ADGRL3: variants seen among roughly 807,000 people sequenced by gnomAD.
The protein encoded by ADGRL3 is calcium-independent alpha-latrotoxin receptor 3.
Under a neutral mutation model 153.5 loss-of-function variants are expected in ADGRL3, and 62 were observed. That is an observed-to-expected ratio of 0.40 (90% CI 0.33 to 0.50). The LOEUF (loss-of-function observed/expected upper bound fraction) is 0.50, where lower values mean the gene tolerates loss of function less well. ADGRL3 is among the 20% of genes least tolerant of loss of function. The pLI, the probability that ADGRL3 is intolerant of heterozygous loss-of-function variation, is 0.47. For synonymous variants in ADGRL3, 710 were observed against 672.5 expected (o/e 1.06, Z -0.86); for missense variants, 1,641 against 1,859.4 (o/e 0.88, Z 2.16).
At chr4:61,791,731 T>C (rs1016649391) in intron 8 of ADGRL3, among the ~76,000 whole-genome samples, 2 of 152,210 alleles carry the variant, frequency 1.3e-5, no homozygotes, top group African/African-American at 4.8e-5. Flanking sequence ...CAGACATTTC[T>C]ATACATCTGA....
chr4:61,996,323 G>A lies in ADGRL3; in HGVS notation c.3269G>A (p.Trp1090Ter). Residue 1090 changes from tryptophan to a stop codon, truncating the protein, a stop_gained, in exon 20 of 27, where the codon TGG becomes TAG. Transcript: ENST00000683033. LOFTEE classifies it high-confidence loss of function. Reference protein sequence around the residue: ...CWLRLDTYFIWSFIGPATLII... With the variant: ...CWLRLDTYFI Reference sequence around the variant, plus strand: ...CTCCGACTTGACACCTACTTCATTTGGAGTTTTATAGGACCAGCAACTTTG... The same window carrying A: ...CTCCGACTTGACACCTACTTCATTTAGAGTTTTATAGGACCAGCAACTTTG... 1 of 1,612,968 alleles carries A rather than the reference G, an allele frequency of 6.2e-7. No homozygotes were observed. The highest frequency in any genetic ancestry group is 8.5e-7 in the Non-Finnish European group (1 of 1,179,142).
intron 9 of ADGRL3, among the ~76,000 whole-genome samples, chr4:61,817,523 C>A (rs981600091): frequency 1.3e-5 from 2 of 152,138 alleles, no homozygotes; most frequent in Non-Finnish European, 2.9e-5. Context: ...GAACACTCAT[C>A]AGGATGACCT....
intron 1 of ADGRL3, among the ~76,000 whole-genome samples, chr4:61,337,046 A>C (rs987184751): frequency 8.8e-6 from 1 of 113,490 alleles, no homozygotes; most frequent in Non-Finnish European, 2.0e-5. Flanking sequence ...GGAGGTGTGG[A>C]TGAATTGCCC....
rs574926010 is a variant in ADGRL3, at chr4:61,866,077, A to G, written c.1481-26579A>G. ...TGTATACCTTTTCTGTGGATATCAC[A>G]GACACCTGCAGAAAGTTGCTTTGGG... On this transcript the variant is annotated intron_variant, in intron 9 of 26. Coordinates refer to ENST00000683033, the MANE Select transcript of ADGRL3 (RefSeq NM_001387552.1). Among the ~76,000 whole-genome samples the G allele has an allele frequency of 3.9e-5, 6 of 152,302 alleles. 1 individual carries two copies. In the South Asian group the frequency reaches 1.2e-3, roughly 32 times the overall value.
chr4:61,621,011 T>G (rs1364618788), intron 5 of ADGRL3, among the ~76,000 whole-genome samples: 1 of 152,194 alleles, frequency 6.6e-6, no homozygotes, highest in Non-Finnish European at 1.5e-5. Flanking sequence ...TTTTATCGGC[T>G]TATTTGTTAT....
chr4:61,362,597 T>G (rs902047589), intron 1 of ADGRL3, among the ~76,000 whole-genome samples: 2 of 152,042 alleles, frequency 1.3e-5, no homozygotes, highest in Non-Finnish European at 2.9e-5. Context: ...GAAAAGAAAG[T>G]GTTATTAAGA....
intron 5 of ADGRL3, among the ~76,000 whole-genome samples, chr4:61,588,854 T>A (rs1022848515): frequency 6.6e-6 from 1 of 152,056 alleles, no homozygotes; most frequent in Non-Finnish European, 1.5e-5. Flanking sequence ...ATATTTTTAT[T>A]TGTTTTAGTT....
chr4:61,525,263 A>C (rs1215265789), intron 4 of ADGRL3, among the ~76,000 whole-genome samples: 3 of 152,104 alleles, frequency 2.0e-5, no homozygotes, highest in Non-Finnish European at 2.9e-5. Context: ...TTCCTAGGAT[A>C]ATTTGCAAGC....
intron 2 of ADGRL3, among the ~76,000 whole-genome samples, chr4:61,417,655 C>T (rs918114896): frequency 7.3e-5 from 11 of 149,702 alleles, no homozygotes; most frequent in South Asian, 2.1e-4. Context: ...CCTTCTTTAA[C>T]GTTTAATAAA....
intron 4 of ADGRL3, among the ~76,000 whole-genome samples, chr4:61,548,206 A>G (rs1196221921): frequency 1.3e-5 from 2 of 152,014 alleles, no homozygotes; most frequent in Non-Finnish European, 2.9e-5. Flanking sequence ...CATAGTTTGC[A>G]TGTTTTTTCT....
chr4:61,331,820 T>G (rs1464552654), intron 1 of ADGRL3, among the ~76,000 whole-genome samples: 1 of 152,068 alleles, frequency 6.6e-6, no homozygotes, highest in East Asian at 1.9e-4. Flanking sequence ...TAGTCATTTT[T>G]CTAATATAAA....
At chr4:61,641,621 A>C (rs1323610909) in intron 5 of ADGRL3, among the ~76,000 whole-genome samples, 1 of 151,826 alleles carries the variant, frequency 6.6e-6, no homozygotes, top group Non-Finnish European at 1.5e-5. Flanking sequence ...TGAACTCATC[A>C]ATTTTTATGG....
intron 1 of ADGRL3, among the ~76,000 whole-genome samples, chr4:61,216,127 T>G (rs1285973081): frequency 6.6e-6 from 1 of 152,132 alleles, no homozygotes; most frequent in African/African-American, 2.4e-5. Context: ...GTTTCTTCCT[T>G]CGTTAAGAGC....
chr4:61,362,420 C>G (rs980697155), intron 1 of ADGRL3, among the ~76,000 whole-genome samples: 1 of 151,844 alleles, frequency 6.6e-6, no homozygotes, highest in Non-Finnish European at 1.5e-5. Context: ...ACCTGTCCCC[C>G]AACCCAACAC....
intron 8 of ADGRL3, among the ~76,000 whole-genome samples, chr4:61,740,030 A>G (rs2096564587): frequency 6.6e-6 from 1 of 152,214 alleles, no homozygotes; most frequent in Admixed American, 6.5e-5. Context: ...CATTTTGTCT[A>G]AAGAACCAGT....
At chr4:61,364,715 A>T (rs1235967220) in intron 1 of ADGRL3, among the ~76,000 whole-genome samples, 1 of 152,226 alleles carries the variant, frequency 6.6e-6, no homozygotes, top group Non-Finnish European at 1.5e-5. Context: ...AATGTGAGTC[A>T]CCAAATGTAC....
chr4:61,290,685 A>C (rs375141862), intron 1 of ADGRL3, among the ~76,000 whole-genome samples: 2 of 125,582 alleles, frequency 1.6e-5, no homozygotes, highest in Non-Finnish European at 3.6e-5. Context: ...GAAGGAAGGA[A>C]GGAGGGAAGG....
chr4:61,426,456 C>A (rs1266807468), intron 2 of ADGRL3, among the ~76,000 whole-genome samples: 1 of 151,484 alleles, frequency 6.6e-6, no homozygotes, highest in South Asian at 2.1e-4. Context: ...TGGGGGGGTG[C>A]CCCTCTCCTA....
intron 9 of ADGRL3, among the ~76,000 whole-genome samples, chr4:61,833,512 T>C (rs756256579): frequency 1.3e-5 from 2 of 151,972 alleles, no homozygotes; most frequent in African/African-American, 2.4e-5. Context: ...GATAAAATCA[T>C]AGGGAGTCAA....
Sources: gnomAD v4.1 joint callset for allele counts (sites outside exome capture counted in the v4.1 genomes callset) on GRCh38, gnomAD v4.1.1 for gene constraint, MANE v1.5 for transcripts, NCBI Gene and HGNC (gene_info 2026-07-23, HGNC 2026-07-21) for gene names.